RABGAP1L: variants seen among roughly 807,000 people sequenced by gnomAD.
The protein encoded by RABGAP1L is RAB GTPase activating protein 1 like.
A neutral mutation model predicts 137.7 loss-of-function variants in RABGAP1L; 63 were observed. The ratio of observed to expected loss-of-function variants is 0.46; its 90% CI spans 0.37 to 0.56. The LOEUF (loss-of-function observed/expected upper bound fraction) is 0.56, where lower values mean the gene tolerates loss of function less well. Among genes scored for constraint, RABGAP1L ranks in the 20% least tolerant of loss-of-function variants. The pLI is 0.00. For synonymous variants in RABGAP1L, 431 were observed against 433.7 expected, an observed-to-expected ratio of 0.99 and a Z score of 0.08; for missense variants, 1,095 against 1,244.0, an observed-to-expected ratio of 0.88 and a Z score of 1.80.
At chr1:174,201,826 G>A (rs1471277673) in intron 1 of RABGAP1L, among the ~76,000 whole-genome samples, 5 of 104,268 alleles carry the variant, frequency 4.8e-5, no homozygotes, top group South Asian at 3.1e-4. Context: ...AACAGTCCCC[G>A]GTGTGTAATG....
At chr1:174,984,968 A>T (rs1200613030) in intron 24 of RABGAP1L, among the ~76,000 whole-genome samples, 1 of 152,254 alleles carries the variant, frequency 6.6e-6, no homozygotes, top group African/African-American at 2.4e-5. Context: ...TCAGTGTCTC[A>T]TTACAGAGAC....
intron 18 of RABGAP1L, among the ~76,000 whole-genome samples, chr1:174,787,621 T>C (rs1687553736): frequency 6.6e-6 from 1 of 152,192 alleles, no homozygotes; most frequent in South Asian, 2.1e-4. Context: ...AGGATAGATC[T>C]AGCTTGTCTG....
At chr1:174,525,976 T>C (rs186224581) in intron 13 of RABGAP1L, among the ~76,000 whole-genome samples, 2 of 152,306 alleles carry the variant, frequency 1.3e-5, no homozygotes, top group Admixed American at 1.3e-4. Context: ...ATCTCTGGTA[T>C]AAACTCCACT....
In RABGAP1L at chr1:174,409,897, C is replaced by T. The variant is rs149398570; in HGVS notation, c.1710+15752C>T. 4.9e-3 allele frequency among the ~76,000 whole-genome samples: 749 copies of T among 152,308 alleles called. 21 individuals carry two copies. The East Asian group carries it at 0.079, about 16-fold the overall frequency. On this transcript the variant is annotated intron_variant, in intron 13 of 25. Transcript: ENST00000681986. ...GTTTAAGATGTTTATCAAGACAATA[C>T]GTGCACAGCTGAACATAGACCCTTA...
intron 12 of RABGAP1L, among the ~76,000 whole-genome samples, chr1:174,379,236 G>C (rs1027456997): frequency 6.7e-6 from 1 of 149,572 alleles, no homozygotes; most frequent in Admixed American, 6.6e-5. Flanking sequence ...CTCCAGCTTT[G>C]TTCTTTTGGC....
intron 14 of RABGAP1L, among the ~76,000 whole-genome samples, chr1:174,642,501 G>T (rs992943954): frequency 6.6e-6 from 1 of 152,012 alleles, no homozygotes; most frequent in Non-Finnish European, 1.5e-5. Flanking sequence ...TTATGAGGAT[G>T]AATTATTTTT....
intron 12 of RABGAP1L, among the ~76,000 whole-genome samples, chr1:174,378,250 G>A (rs992650756): frequency 1.3e-5 from 2 of 151,554 alleles, no homozygotes; most frequent in African/African-American, 4.9e-5. Flanking sequence ...AAACATACGT[G>A]TGTATGTGTC....
rs1465454986 is a variant in RABGAP1L at position 174,993,660 on chromosome 1, CA to C, written c.*3660del. The C allele has an allele frequency of 6.6e-6, 1 of 152,210 alleles. No homozygotes were observed. Among genetic ancestry groups the C allele is most frequent in the African/African-American group, 2.4e-5 (1 of 41,454 alleles). The allele number at this position is 152,210 out of a possible 1,614,324, so 9.4% of individuals were successfully genotyped here. A position where few individuals can be genotyped will look rare whatever the true frequency, so the allele number is the denominator to read the frequency against. On this transcript the variant is annotated 3_prime_UTR_variant, in exon 26 of 26. Coordinates refer to ENST00000681986, the MANE Select transcript of RABGAP1L (RefSeq NM_001366446.1). ...ACTAAAATCTGTCTACTAACTCTCC[CA>C]CCAACCTTTGCATCAAACACTTAGG...
At chr1:174,696,074 C>T (rs779111658) in intron 15 of RABGAP1L, among the ~76,000 whole-genome samples, 2 of 152,124 alleles carry the variant, frequency 1.3e-5, no homozygotes, top group Non-Finnish European at 2.9e-5. Context: ...CTGAAGCCAG[C>T]ATGGTACCTG....
At chr1:174,712,724 A>G (rs1204828606) in intron 17 of RABGAP1L, among the ~76,000 whole-genome samples, 1 of 152,150 alleles carries the variant, frequency 6.6e-6, no homozygotes, top group Non-Finnish European at 1.5e-5. Flanking sequence ...TTAAATGGAT[A>G]TATCCTTTTC....
intron 19 of RABGAP1L, among the ~76,000 whole-genome samples, chr1:174,909,287 G>C (rs573635833): frequency 6.6e-6 from 1 of 151,914 alleles, no homozygotes; most frequent in African/African-American, 2.4e-5. Context: ...GCAGTGTCAT[G>C]ATCTCAGCTC....
intron 10 of RABGAP1L, among the ~76,000 whole-genome samples, chr1:174,289,411 G>T (rs1021430794): frequency 1.5e-4 from 23 of 152,116 alleles, no homozygotes; most frequent in Admixed American, 1.4e-3. Context: ...CTGATTAGTT[G>T]TCTGTGTTTT....
intron 1 of RABGAP1L, among the ~76,000 whole-genome samples, chr1:174,168,159 G>A (rs535716425): frequency 2.0e-5 from 3 of 151,438 alleles, no homozygotes; most frequent in Non-Finnish European, 4.4e-5. Context: ...CAGCTACTTG[G>A]GAGGCTGAGG....
chr1:174,958,877 C>T (rs2149345484), intron 20 of RABGAP1L, among the ~76,000 whole-genome samples: 1 of 152,270 alleles, frequency 6.6e-6, no homozygotes, highest in African/African-American at 2.4e-5. Flanking sequence ...TATAGTGTTT[C>T]TGATTCCTTG....
chr1:174,378,586 CTT>C (rs1685794797), intron 12 of RABGAP1L, among the ~76,000 whole-genome samples: 1 of 151,734 alleles, frequency 6.6e-6, no homozygotes, highest in Admixed American at 6.6e-5. Flanking sequence ...AATGTCTTCT[CTT>C]GAGAAGTGTC....
chr1:174,267,449 T>G (rs1461310322), intron 7 of RABGAP1L, among the ~76,000 whole-genome samples: 1 of 152,170 alleles, frequency 6.6e-6, no homozygotes, highest in African/African-American at 2.4e-5. Context: ...TTTGTGAAGA[T>G]GAACTTATCA....
At chr1:174,799,608 G>C (rs893631839) in intron 18 of RABGAP1L, among the ~76,000 whole-genome samples, 5 of 152,086 alleles carry the variant, frequency 3.3e-5, no homozygotes, top group Non-Finnish European at 7.3e-5. Flanking sequence ...AAGGTAGACT[G>C]GGAGGGGGAA....
intron 17 of RABGAP1L, among the ~76,000 whole-genome samples, chr1:174,733,867 A>C (rs1682715745): frequency 6.6e-6 from 1 of 152,216 alleles, no homozygotes; most frequent in Non-Finnish European, 1.5e-5. Flanking sequence ...TGAGGAGACC[A>C]GGAAACTGTT....
chr1:174,290,542 T>C (rs545325537), intron 10 of RABGAP1L, among the ~76,000 whole-genome samples: 1 of 152,328 alleles, frequency 6.6e-6, no homozygotes, highest in East Asian at 1.9e-4. Context: ...AGATAGTTGC[T>C]AGTTGGTATT....
Sources: allele counts gnomAD v4.1 joint callset (sites outside exome capture counted in the v4.1 genomes callset), GRCh38; gene constraint gnomAD v4.1.1; transcripts MANE v1.5; gene names NCBI Gene and HGNC (gene_info 2026-07-23, HGNC 2026-07-21).